Variants in TEX14 observed in about 807,000 individuals in gnomAD.
TEX14 encodes inactive serine/threonine-protein kinase TEX14.
TEX14 carries 168 observed loss-of-function variants against 178.6 expected under a neutral mutation model. The ratio of observed to expected loss-of-function variants is 0.94; its 90% CI spans 0.83 to 1.07. The LOEUF is 1.07. Ranked by LOEUF, TEX14 falls within the 50% of genes least tolerant of loss-of-function variation. The probability of loss-of-function intolerance (pLI) is 0.00; values close to 1 mark genes in which losing one functional copy is unlikely to be tolerated. For missense variants in TEX14, 1,730 were observed against 1,753.6 expected, an observed-to-expected ratio of 0.99 and a Z score of 0.24; for synonymous variants, 626 against 634.1, an observed-to-expected ratio of 0.99 and a Z score of 0.19.
intron 1 of TEX14, among the ~76,000 whole-genome samples, chr17:58,656,281 C>T (rs1284865646): frequency 6.6e-6 from 1 of 151,936 alleles, no homozygotes; most frequent in Non-Finnish European, 1.5e-5. Flanking sequence ...CCCATCTGTA[C>T]TAAAAATACA....
rs555094497 is a variant in TEX14 at position 58,659,278 on chromosome 17, C to T, written c.-1-7276G>A. The T allele has an allele frequency of 1.7e-4, 154 of 918,950 alleles. No homozygotes were observed. In the African/African-American group the frequency reaches 2.1e-3, roughly 12 times the overall value. The allele number at this position is 918,950 out of a possible 1,614,324, so 56.9% of individuals were successfully genotyped here. On this transcript the variant is annotated intron_variant, in intron 1 of 31. Coordinates refer to ENST00000349033, the MANE Select transcript of TEX14 (RefSeq NM_031272.5). ...AAGAAAAACACTTTATCAGGACCAA[C>T]AGCGTCTCTCCCCCGCCACAAAGAC...
chr17:58,676,268 C>G (rs1316267167), intron 1 of TEX14, among the ~76,000 whole-genome samples: 1 of 151,984 alleles, frequency 6.6e-6, no homozygotes, highest in Non-Finnish European at 1.5e-5. Context: ...CCCAGCTACT[C>G]AGGAGGTTGA....
chr17:58,620,005 T>C (rs1459451899), intron 5 of TEX14, among the ~76,000 whole-genome samples: 1 of 152,118 alleles, frequency 6.6e-6, no homozygotes, highest in Non-Finnish European at 1.5e-5. Flanking sequence ...AGCCCTACCA[T>C]GCACCAAGCA....
At chr17:58,659,098 TAAACAC>T (rs2143336155) in intron 1 of TEX14, among the ~76,000 whole-genome samples, 1 of 112,892 alleles carries the variant, frequency 8.9e-6, no homozygotes, top group African/African-American at 4.7e-5. Flanking sequence ...ACTCTGAAAA[TAAACAC>T]ACGCAACAAC....
chr17:58,590,595 G>A (rs573464393), intron 15 of TEX14, among the ~76,000 whole-genome samples: 5 of 151,678 alleles, frequency 3.3e-5, no homozygotes, highest in Admixed American at 6.6e-5. Context: ...TTATTCTGTC[G>A]CCCAAACTGG....
In TEX14 at chr17:58,628,717, A is replaced by G. The variant is rs184115281; in HGVS notation, c.251+1723T>C. 7.5e-4 allele frequency among the ~76,000 whole-genome samples: 113 copies of G among 150,516 alleles called. 1 individual carries two copies. Among genetic ancestry groups the G allele is most frequent in the Non-Finnish European group, 1.5e-3 (98 of 67,560 alleles). Reference sequence around the variant, plus strand: ...ACAGAGTGAGACTCTGTCTCAAAAAAAAAAAAAGACTACAAAAATTAGCTG... The same window carrying G: ...ACAGAGTGAGACTCTGTCTCAAAAAGAAAAAAAGACTACAAAAATTAGCTG... On this transcript the variant is annotated intron_variant, in intron 3 of 31. Coordinates refer to ENST00000349033, the MANE Select transcript of TEX14 (RefSeq NM_031272.5).
intron 1 of TEX14, among the ~76,000 whole-genome samples, chr17:58,652,234 T>A (rs1015652120): frequency 6.6e-6 from 1 of 151,842 alleles, no homozygotes; most frequent in Non-Finnish European, 1.5e-5. Context: ...AAGTAAAAAA[T>A]ATATATATTT....
At chr17:58,641,930 C>G (rs2046585638) in intron 2 of TEX14, among the ~76,000 whole-genome samples, 1 of 152,228 alleles carries the variant, frequency 6.6e-6, no homozygotes, top group Non-Finnish European at 1.5e-5. Flanking sequence ...GAAGGAACCA[C>G]AGTTGGAACC....
rs140700770 is a variant in TEX14 at position 58,628,638 on chromosome 17, G to A, written c.251+1802C>T. Among the ~76,000 whole-genome samples, 140 of 152,098 alleles carry A rather than the reference G, an allele frequency of 9.2e-4. 1 individual carries two copies. The highest frequency in any genetic ancestry group is 3.2e-3 in the African/African-American group (134 of 41,464). On this transcript the variant is annotated intron_variant, in intron 3 of 31. Transcript: ENST00000349033. ...GAGGCAGGAGAATCACTTGAACCTC[G>A]GAGGCACAGATTGCAATGAGCCGAG...
intron 2 of TEX14, among the ~76,000 whole-genome samples, chr17:58,638,207 G>T (rs921313405): frequency 1.3e-5 from 2 of 151,730 alleles, no homozygotes; most frequent in Non-Finnish European, 2.9e-5. Flanking sequence ...TGTTTCTGAT[G>T]ATTAAAAACT....
intron 10 of TEX14, among the ~76,000 whole-genome samples, chr17:58,610,737 T>A (rs373528872): frequency 6.6e-6 from 1 of 151,998 alleles, no homozygotes; most frequent in African/African-American, 2.4e-5. Context: ...AACACAAAAA[T>A]TAGCCAGGCG....
At chr17:58,615,380 G>C (rs781335726) in intron 7 of TEX14, 35 bp from the exon 8 acceptor site, 15 of 1,297,170 alleles carry the variant, frequency 1.2e-5, no homozygotes, top group Non-Finnish European at 1.7e-5. Flanking sequence ...GCAGAAAGGA[G>C]TGAGCAGCCA....
At chr17:58,629,032 C>T (rs888121204) in intron 3 of TEX14, among the ~76,000 whole-genome samples, 25 of 152,264 alleles carry the variant, frequency 1.6e-4, no homozygotes, top group Non-Finnish European at 3.2e-4. Flanking sequence ...CACTTAAGTG[C>T]CCAAAACCCC....
At chr17:58,675,913 T>C (rs1213864317) in intron 1 of TEX14, among the ~76,000 whole-genome samples, 3 of 152,188 alleles carry the variant, frequency 2.0e-5, no homozygotes, top group South Asian at 2.1e-4. Flanking sequence ...TAAATTGATA[T>C]ATCATAGTAG....
At chr17:58,640,349 C>A (rs1214905224) in intron 2 of TEX14, among the ~76,000 whole-genome samples, 3 of 151,730 alleles carry the variant, frequency 2.0e-5, no homozygotes, top group Non-Finnish European at 2.9e-5. Flanking sequence ...TGAGGTCTTG[C>A]CATGTTCCCA....
intron 24 of TEX14, among the ~76,000 whole-genome samples, chr17:58,571,685 G>C (rs1463106748): frequency 6.6e-6 from 1 of 152,166 alleles, no homozygotes; most frequent in African/African-American, 2.4e-5. Flanking sequence ...CAGGAGTTCA[G>C]AGAACAGTAG....
intron 2 of TEX14, among the ~76,000 whole-genome samples, chr17:58,650,550 G>A (rs956162399): frequency 6.6e-6 from 1 of 152,092 alleles, no homozygotes; most frequent in African/African-American, 2.4e-5. Flanking sequence ...TGTTGAGATG[G>A]GATCTCACCT....
intron 10 of TEX14, among the ~76,000 whole-genome samples, chr17:58,607,520 G>C (rs962667299): frequency 6.6e-6 from 1 of 152,074 alleles, no homozygotes; most frequent in African/African-American, 2.4e-5. Flanking sequence ...CCCCATCTGT[G>C]TCTCTAACCA....
Position 58,602,603 on chromosome 17 carries a change from A to T in TEX14, c.1337-13T>A. On this transcript the variant is annotated splice_polypyrimidine_tract_variant and intron_variant, in intron 11 of 31. Transcript: ENST00000349033. ...CAGGGTATGTCATCTGTAAGGAAAA[A>T]GTCATACAAAAGAGTAAATTAGGAA... The T allele has an allele frequency of 3.7e-6, 6 of 1,600,156 alleles. No individual in the cohort carries two copies. Among genetic ancestry groups the T allele is most frequent in the Non-Finnish European group, 5.1e-6 (6 of 1,172,306 alleles).
Sources: allele counts gnomAD v4.1 joint callset (sites outside exome capture counted in the v4.1 genomes callset), GRCh38; gene constraint gnomAD v4.1.1; transcripts MANE v1.5; gene names NCBI Gene and HGNC (gene_info 2026-07-23, HGNC 2026-07-21).